Variants in BAIAP3 observed in about 807,000 individuals in gnomAD.
BAIAP3 encodes the protein BAI1 associated protein 3, also known as BAI1-associated protein 3.
Under a neutral mutation model 149.7 loss-of-function variants are expected in BAIAP3, and 180 were observed. The observed-to-expected ratio is 1.20, with a 90% confidence interval of 1.07 to 1.36. BAIAP3 has a LOEUF of 1.36. Ranked by LOEUF, BAIAP3 falls within the 40% of genes most tolerant of loss-of-function variation. BAIAP3 has a pLI of 0.00. For synonymous variants in BAIAP3, 845 were observed against 670.7 expected (o/e 1.26, Z -4.02); for missense variants, 1,767 against 1,563.4 (o/e 1.13, Z -2.20).
rs2033449067 is a variant in BAIAP3 at position 1,336,272 on chromosome 16, G to A, written c.-10-2268G>A. 7.1e-6 allele frequency: 7 copies of A among 985,368 alleles called. No homozygotes were observed. The African/African-American group carries it at 8.7e-5, about 12-fold the overall frequency. The allele number at this position is 985,368 out of a possible 1,614,324, so 61.0% of individuals were successfully genotyped here. On this transcript the variant is annotated intron_variant, in intron 1 of 33. Coordinates refer to ENST00000426824, the MANE Select transcript of BAIAP3 (RefSeq NM_001199097.2). ...AGGGGAAGGGGGCTTGTGACTCCCA[G>A]GCCCCTGAGGATTTCACGACTGGCT...
Position 1,349,406 on chromosome 16 carries a change from C to T in BAIAP3, c.*924C>T. The T allele has an allele frequency of 6.2e-7, 1 of 1,612,984 alleles. No homozygotes were observed. The highest frequency in any genetic ancestry group is 8.5e-7 in the Non-Finnish European group (1 of 1,179,484). On this transcript the variant is annotated 3_prime_UTR_variant, in exon 34 of 34. Coordinates refer to ENST00000426824, the MANE Select transcript of BAIAP3 (RefSeq NM_001199097.2). ...TCATGTCTCTAGATTTTCTCGTCAC[C>T]CAGCCTCAAAAATATATGTGTCTGC...
In BAIAP3 at chr16:1,341,032, C is replaced by T. The variant is rs754122751; in HGVS notation, c.468+51C>T. The T allele has an allele frequency of 1.2e-5, 20 of 1,609,438 alleles. No individual in the cohort carries two copies. In the South Asian group the frequency reaches 1.7e-4, roughly 13 times the overall value. ...CACTGACCAGCACGTGCCTGCGTGG[C>T]GGGGGCACGGGGCAAGGCCCTGTCA... On this transcript the variant is annotated intron_variant, in intron 6 of 33. Transcript: ENST00000426824.
chr16:1,341,272 C>T (rs777067992), intron 7 of BAIAP3, 22 bp from the exon 8 acceptor site: 7 of 1,606,410 alleles, frequency 4.4e-6, no homozygotes, highest in Non-Finnish European at 6.0e-6. Flanking sequence ...GGGGCCAGGG[C>T]TGAGACGCCT....
intron 14 of BAIAP3, 177 bp from the exon 15 acceptor site, chr16:1,343,216 G>A: frequency 2.6e-6 from 3 of 1,141,428 alleles, no homozygotes; most frequent in Non-Finnish European, 3.7e-6. Flanking sequence ...CGAAAGGGGC[G>A]GTGCCATGAG....
chr16:1,337,386 C>T (rs1401581736), intron 1 of BAIAP3, among the ~76,000 whole-genome samples: 1 of 152,172 alleles, frequency 6.6e-6, no homozygotes, highest in Non-Finnish European at 1.5e-5. Context: ...GGCTTGGTGG[C>T]GGGCGCCTGT....
chr16:1,343,793 G>A (rs2034102262), intron 15 of BAIAP3, among the ~76,000 whole-genome samples: 1 of 152,226 alleles, frequency 6.6e-6, no homozygotes, highest in Admixed American at 6.5e-5. Context: ...CTGGCAGGAC[G>A]GACGTGGGAA....
In BAIAP3 at chr16:1,347,302, T is replaced by C; in HGVS notation, c.2756T>C (p.Leu919Pro). The C allele has an allele frequency of 2.5e-6, 4 of 1,613,118 alleles. No individual in the cohort carries two copies. Among genetic ancestry groups the C allele is most frequent in the Non-Finnish European group, 3.4e-6 (4 of 1,179,856 alleles). Residue 919 changes from leucine to proline, a missense_variant, in exon 29 of 34, where the codon CTG becomes CCG. By Grantham distance (98) the Leu-to-Pro change is moderately conservative. Coordinates refer to ENST00000426824, the MANE Select transcript of BAIAP3 (RefSeq NM_001199097.2). ...TGCCTTCTTTCCCTGCCCCAGGCCC[T>C]GGTCAGTTTTTTCCACGCAGAGGGT... Reference protein sequence around the residue: ...YSRFHFTLEALVSFFHAEGQG... With the variant: ...YSRFHFTLEAPVSFFHAEGQG...
chr16:1,341,870 C>G lies in BAIAP3; in HGVS notation c.776+4C>G, dbSNP rs2369699. 0.43 allele frequency: 688,746 copies of G among 1,611,126 alleles called. 155,124 individuals are homozygous for G. The highest frequency in any genetic ancestry group is 0.8 in the East Asian group (35,710 of 44,830). ...ACCAGCTGCACCTGGACATCTGGTACAGGCCCCTGCGCCATGCAGGGCGGC... is the reference window on the plus strand; with the variant it reads ...ACCAGCTGCACCTGGACATCTGGTAGAGGCCCCTGCGCCATGCAGGGCGGC... On this transcript the variant is annotated splice_donor_region_variant and intron_variant, in intron 9 of 33. Coordinates refer to ENST00000426824, the MANE Select transcript of BAIAP3 (RefSeq NM_001199097.2).
intron 29 of BAIAP3, 85 bp from the exon 30 acceptor site, chr16:1,347,460 G>A (rs1172741797): frequency 4.4e-6 from 7 of 1,582,742 alleles, no homozygotes; most frequent in East Asian, 2.3e-5. Flanking sequence ...TGAGCATGAG[G>A]TGGCCCCACG....
At chr16:1,344,756 A>T (rs2034195926) in intron 19 of BAIAP3, 42 bp from the exon 20 acceptor site, 3 of 1,612,160 alleles carry the variant, frequency 1.9e-6, no homozygotes, top group Non-Finnish European at 2.5e-6. Context: ...CAGGGCCTGC[A>T]GGTGGGGCGC....
At position 1,348,213 on chromosome 16, in the gene BAIAP3, C is replaced by T. The variant is rs1363032063; in HGVS notation, c.3267C>T (p.Gly1089=). The change falls in exon 33 of 34, where the codon GGC becomes GGT. Residue 1089 remains glycine (G), a synonymous_variant. Coordinates refer to ENST00000426824, the MANE Select transcript of BAIAP3 (RefSeq NM_001199097.2). ...GGGAGGCGGCCCTCGGCCTAGGTGGCGTCACTGGTGTCGCCCGGCCCCAGG... is the reference window on the plus strand; with the variant it reads ...GGGAGGCGGCCCTCGGCCTAGGTGGTGTCACTGGTGTCGCCCGGCCCCAGG... ...FAGEAALGLG[G]VTGVARPQVG... 20 of 1,608,508 alleles carry T rather than the reference C, an allele frequency of 1.2e-5. No homozygotes were observed. Among genetic ancestry groups the T allele is most frequent in the South Asian group, 9.9e-5 (9 of 90,946 alleles).
chr16:1,344,555 G>A (rs1270852316), intron 18 of BAIAP3, 30 bp downstream of exon 18: 8 of 1,612,418 alleles, frequency 5.0e-6, no homozygotes, highest in Non-Finnish European at 6.8e-6. Context: ...TGGCCATGAG[G>A]GGTACGGGCA....
In BAIAP3 at chr16:1,346,836, C is replaced by G. The variant is rs374109731; in HGVS notation, c.2643-11C>G. On this transcript the variant is annotated splice_polypyrimidine_tract_variant and intron_variant, in intron 27 of 33. Coordinates refer to ENST00000426824, the MANE Select transcript of BAIAP3 (RefSeq NM_001199097.2). The stretch of plus-strand genomic sequence containing the variant: ...TGGGGCTGGCCCGTGGTCACTGATG[C>G]TGCCCTGCAGGGTGCTGGAGGCCCT... 3 of 1,583,240 alleles carry G rather than the reference C, an allele frequency of 1.9e-6. No individual in the cohort carries two copies. The highest frequency in any genetic ancestry group is 1.8e-4 in the Middle Eastern group (1 of 5,484).
rs769281925 is a variant in BAIAP3 at position 1,344,064 on chromosome 16, G to C, written c.1429G>C (p.Gly477Arg). Reference protein sequence around the residue: ...ADSLSAFSEFGLQLLRQLRDY... With the variant: ...ADSLSAFSEFRLQLLRQLRDY... ...TAGCCTTTCCGCCTTCTCTGAGTTC[G>C]GGCTGCAGCTGCTGCGCCAGCTCCG... is the stretch of plus-strand genomic sequence containing the variant. The change falls in exon 16 of 34, where the codon GGG becomes CGG. Residue 477 changes from glycine (G) to arginine (R), a missense_variant. Gly to Arg is a moderately radical substitution (Grantham distance 125). Transcript: ENST00000426824. 5 of 1,612,218 alleles carry C rather than the reference G, an allele frequency of 3.1e-6. No individual in the cohort carries two copies. The Admixed American group carries it at 6.7e-5, about 22-fold the overall frequency.
In BAIAP3 at chr16:1,346,234, T is replaced by A; in HGVS notation, c.2366T>A (p.Leu789Gln). Reference protein sequence around the residue: ...RKAAGQALKGLAWPEGATGPE... With the variant: ...RKAAGQALKGQAWPEGATGPE... Reference sequence around the variant, plus strand: ...GCTGCTGGGCAGGCCTTGAAGGGCCTGGCATGGCCAGAGGGGGCCACGGGG... The same window carrying A: ...GCTGCTGGGCAGGCCTTGAAGGGCCAGGCATGGCCAGAGGGGGCCACGGGG... Residue 789 changes from leucine (L) to glutamine (Q), a missense_variant, in exon 25 of 34, where the codon CTG becomes CAG. By Grantham distance (113) the Leu-to-Gln change is moderately radical. Coordinates refer to ENST00000426824, the MANE Select transcript of BAIAP3 (RefSeq NM_001199097.2). 6.2e-7 allele frequency: 1 copy of A among 1,612,148 alleles called. No homozygotes were observed. The highest frequency in any genetic ancestry group is 8.5e-7 in the Non-Finnish European group (1 of 1,179,652).
At chr16:1,344,422 C>CT (rs2034167575) in intron 17 of BAIAP3, 47 bp from the exon 18 acceptor site, 1 of 1,612,226 alleles carries the variant, frequency 6.2e-7, no homozygotes, top group Non-Finnish European at 8.5e-7. Flanking sequence ...CCCACCTCTT[C>CT]CTCTTCCCTG....
At chr16:1,338,453 G>GGGGGGGGGGGGGGGC in intron 1 of BAIAP3, 87 bp from the exon 2 acceptor site, 1 of 177,274 alleles carries the variant, frequency 5.6e-6, no homozygotes, top group Non-Finnish European at 1.2e-5. Flanking sequence ...ACCTCTTCCC[G>GGGGGGGGGGGGGGGC]CCCCACCCCC....
rs1401879795 is a variant in BAIAP3 at position 1,342,024 on chromosome 16, G to A, written c.815G>A (p.Arg272Lys). 6.2e-7 allele frequency: 1 copy of A among 1,607,406 alleles called. No individual in the cohort carries two copies. Among genetic ancestry groups the A allele is most frequent in the South Asian group, 1.1e-5 (1 of 90,224 alleles). ...GATGTATCCCTGGTAGAAGCGTGCA[G>A]GAAGCTGAATGAAGTCATCGGCCTG... Reference protein sequence around the residue: ...DDDVSLVEACRKLNEVIGLKG... With the variant: ...DDDVSLVEACKKLNEVIGLKG... The change falls in exon 10 of 34, where the codon AGG becomes AAG. Residue 272 changes from arginine (R) to lysine (K), a missense_variant. By Grantham distance (26) the Arg-to-Lys change is conservative (BLOSUM62 2). Transcript: ENST00000426824.
intron 1 of BAIAP3, among the ~76,000 whole-genome samples, chr16:1,336,977 A>G (rs1018716854): frequency 2.6e-5 from 4 of 152,172 alleles, no homozygotes; most frequent in Non-Finnish European, 5.9e-5. Flanking sequence ...CAAGGCTGGG[A>G]CAGGAACCCA....
Sources: allele counts gnomAD v4.1 joint callset (sites outside exome capture counted in the v4.1 genomes callset), GRCh38; gene constraint gnomAD v4.1.1; transcripts MANE v1.5; gene names NCBI Gene and HGNC (gene_info 2026-07-23, HGNC 2026-07-21).